The following RNF17 variants were observed in gnomAD, a reference collection of about 807,000 sequenced individuals.
The protein encoded by RNF17 is spermatogenesis associated 23.
RNF17 carries 31 observed loss-of-function variants against 200.5 expected under a neutral mutation model. The ratio of observed to expected loss-of-function variants is 0.15; its 90% CI spans 0.12 to 0.21. The LOEUF is 0.21. Among genes scored for constraint, RNF17 ranks in the 10% least tolerant of loss-of-function variants. The pLI is 1.00. For synonymous variants in RNF17, 606 were observed against 637.8 expected (o/e 0.95, Z 0.75); for missense variants, 1,628 against 1,905.1 (o/e 0.85, Z 2.71).
intron 15 of RNF17, among the ~76,000 whole-genome samples, chr13:24,824,977 C>T (rs545089218): frequency 6.6e-6 from 1 of 152,252 alleles, no homozygotes; most frequent in Admixed American, 6.5e-5. Context: ...TTAGGAGTAA[C>T]TTTCAGCCTT....
chr13:24,769,364 T>G (rs1337123376), intron 2 of RNF17, among the ~76,000 whole-genome samples: 4 of 152,200 alleles, frequency 2.6e-5, no homozygotes, highest in Admixed American at 6.5e-5. Flanking sequence ...AGTTTTGCTC[T>G]AACTTTTAGA....
downstream of RNF17, chr13:24,883,957 C>T (rs1460993962): frequency 6.2e-7 from 1 of 1,614,026 alleles, no homozygotes; most frequent in East Asian, 2.2e-5. Context: ...CATAATGTTG[C>T]CATACCGTTG....
intron 10 of RNF17, among the ~76,000 whole-genome samples, chr13:24,795,571 CA>C (rs1275162655): frequency 6.6e-6 from 1 of 152,002 alleles, no homozygotes; most frequent in Non-Finnish European, 1.5e-5. Context: ...CTACTCACCC[CA>C]CCAAAAAGCA....
In RNF17 at chr13:24,877,304, A is replaced by G. The variant is rs560137489; in HGVS notation, c.4773+118A>G. On this transcript the variant is annotated intron_variant, in intron 34 of 35. Coordinates refer to ENST00000255324, the MANE Select transcript of RNF17 (RefSeq NM_031277.3). ...AGTATACTAAAGCATATACAGCTAT[A>G]TAGGATATAGTTTATATGTATAGCT... 4.1e-6 allele frequency: 3 copies of G among 732,806 alleles called. No homozygotes were observed. In the African/African-American group the frequency reaches 5.5e-5, roughly 13 times the overall value. 45.4% of individuals were successfully genotyped at this position (732,806 alleles called of 1,614,324 possible). A position where few individuals can be genotyped will look rare whatever the true frequency, so the allele number is the denominator to read the frequency against.
the RNF17 span, chr13:24,885,527 G>T: frequency 7.9e-7 from 1 of 1,262,538 alleles, no homozygotes; most frequent in Non-Finnish European, 1.2e-6. Flanking sequence ...ACGTGGTTTA[G>T]AAACGTTAAG....
chr13:24,858,140 G>A (rs1378531546), intron 25 of RNF17, among the ~76,000 whole-genome samples: 2 of 152,068 alleles, frequency 1.3e-5, no homozygotes, highest in Non-Finnish European at 2.9e-5. Flanking sequence ...ATGGATAAGG[G>A]TATGGTAGCT....
chr13:24,874,283 TTC>T (rs766504626), intron 33 of RNF17, 34 bp downstream of exon 33: 109 of 1,520,670 alleles, frequency 7.2e-5, no homozygotes, highest in African/African-American at 4.3e-5. Flanking sequence ...TGAATTAGAT[TTC>T]TTTTTTTTTA....
rs1886030695 is a variant in RNF17 at position 24,807,454 on chromosome 13, G to C, written c.2091+3025G>C. Among the ~76,000 whole-genome samples the C allele has an allele frequency of 2.0e-5, 3 of 152,296 alleles. 1 individual carries two copies. The highest frequency in any genetic ancestry group is 7.2e-5 in the African/African-American group (3 of 41,558). ...TGGCTGCATAAATGTCTTCTTTTGA[G>C]AAGTGTCTGTTCATAGCCTTCGCCC... On this transcript the variant is annotated intron_variant, in intron 15 of 35. Transcript: ENST00000255324.
chr13:24,867,224 C>T (rs1213556890), intron 30 of RNF17, among the ~76,000 whole-genome samples: 6 of 152,106 alleles, frequency 3.9e-5, no homozygotes, highest in African/African-American at 9.7e-5. Context: ...GAGAGTGTCT[C>T]GCTATATTGC....
At chr13:24,873,672 T>G (rs1383562774) in intron 32 of RNF17, among the ~76,000 whole-genome samples, 1 of 152,192 alleles carries the variant, frequency 6.6e-6, no homozygotes, top group Non-Finnish European at 1.5e-5. Flanking sequence ...TGTTTGTACC[T>G]ATCAACCAAC....
chr13:24,842,349 T>C (rs1890727253), intron 19 of RNF17, among the ~76,000 whole-genome samples, 188 bp downstream of exon 19: 1 of 152,126 alleles, frequency 6.6e-6, no homozygotes, highest in Non-Finnish European at 1.5e-5. Flanking sequence ...AGAGTGACTT[T>C]TCCCTCCATT....
intron 15 of RNF17, among the ~76,000 whole-genome samples, 155 bp from the exon 16 acceptor site, chr13:24,825,464 A>C (rs533917661): frequency 3.3e-5 from 5 of 152,304 alleles, no homozygotes; most frequent in African/African-American, 1.2e-4. Context: ...TCTGCAATAA[A>C]ATTTTGTAAA....
In RNF17 at chr13:24,844,977, T is replaced by C; in HGVS notation, c.2999T>C (p.Val1000Ala). ...DTLVEVLLYD[V>A]GVELVVNVDC... Reference sequence around the variant, plus strand: ...TTTTCTTAGGTCTTGCTGTATGATGTGGGTGTTGAACTAGTAGTGAATGTT... The same window carrying C: ...TTTTCTTAGGTCTTGCTGTATGATGCGGGTGTTGAACTAGTAGTGAATGTT... Residue 1000 changes from valine to alanine, a missense_variant, in exon 22 of 36, where the codon GTG (valine) becomes GCG (alanine). By Grantham distance (64) the Val-to-Ala change is moderately conservative. This residue lies in a region of RNF17 where 227 missense variants were observed against 319.8 expected (regional missense o/e 0.71). Coordinates refer to ENST00000255324, the MANE Select transcript of RNF17 (RefSeq NM_031277.3). 3 of 1,602,270 alleles carry C rather than the reference T, an allele frequency of 1.9e-6. No homozygotes were observed. The highest frequency in any genetic ancestry group is 2.6e-6 in the Non-Finnish European group (3 of 1,169,626).
At chr13:24,794,359 A>G (rs772476739) in intron 10 of RNF17, 13 of 346,382 alleles carry the variant, frequency 3.8e-5, no homozygotes, top group Non-Finnish European at 7.3e-5. Flanking sequence ...ACTAAAACAT[A>G]TTACTTTCTA....
At chr13:24,878,703 C>G (rs781146833) in intron 34 of RNF17, among the ~76,000 whole-genome samples, 4 of 152,208 alleles carry the variant, frequency 2.6e-5, no homozygotes, top group Non-Finnish European at 4.4e-5. Flanking sequence ...TTCTGCCTGT[C>G]TCCCAGCCAG....
In RNF17 at chr13:24,764,326, A is replaced by G; in HGVS notation, c.123A>G (p.Arg41=). The G allele has an allele frequency of 6.2e-7, 1 of 1,601,714 alleles. No individual in the cohort carries two copies. The highest frequency in any genetic ancestry group is 1.8e-4 in the Middle Eastern group (1 of 5,680). Residue 41 remains arginine, a synonymous_variant, in exon 1 of 36, where the codon AGA becomes AGG. Transcript: ENST00000255324. The stretch of plus-strand genomic sequence containing the variant: ...CCAGGTGTGGAAGGAGGGTATCCAG[A>G]TCATCCGGTGAGGAGCCCAAGGGCC... ...QCTRCGRRVS[R]SSGHHCELQC... is the part of the protein sequence containing the mutation.
chr13:24,862,819 A>G (rs777094465), intron 28 of RNF17, 26 bp downstream of exon 28: 1 of 1,277,554 alleles, frequency 7.8e-7, no homozygotes, highest in East Asian at 2.3e-5. Context: ...TATAGTTGTT[A>G]TAAATTACTT....
At chr13:24,847,564 T>A (rs1891401920) in intron 22 of RNF17, among the ~76,000 whole-genome samples, 1 of 152,194 alleles carries the variant, frequency 6.6e-6, no homozygotes, top group Admixed American at 6.5e-5. Flanking sequence ...TAGGCTGGTC[T>A]CAAATTCCTG....
chr13:24,844,013 T>C, intron 20 of RNF17, 42 bp downstream of exon 20: 1 of 601,656 alleles, frequency 1.7e-6, no homozygotes, highest in Non-Finnish European at 2.5e-6. Flanking sequence ...ATATTGCATA[T>C]GATTTTATCC....
Sources: allele counts gnomAD v4.1 joint callset (sites outside exome capture counted in the v4.1 genomes callset), GRCh38; gene constraint gnomAD v4.1.1; regional missense constraint gnomAD v4.1.1; transcripts MANE v1.5; gene names NCBI Gene and HGNC (gene_info 2026-07-23, HGNC 2026-07-21).